The following ANKRD6 variants were observed in gnomAD, a reference collection of about 807,000 sequenced individuals.
ANKRD6 encodes ankyrin repeat domain 6, also known as ankyrin repeat domain-containing protein 6.
In ANKRD6, 56 loss-of-function variants were observed where a neutral mutation model predicts 82.3. That is an observed-to-expected ratio of 0.68 (90% CI 0.55 to 0.85). The LOEUF (loss-of-function observed/expected upper bound fraction) is 0.85, where lower values mean the gene tolerates loss of function less well. Ranked by LOEUF, ANKRD6 falls within the 40% of genes least tolerant of loss-of-function variation. The pLI, the probability that ANKRD6 is intolerant of heterozygous loss-of-function variation, is 0.00. For missense variants in ANKRD6, 852 were observed against 907.6 expected (o/e 0.94, Z 0.79); for synonymous variants, 347 against 352.1 (o/e 0.99, Z 0.16).
chr6:89,464,685 A>G (rs1312160349), intron 1 of ANKRD6, among the ~76,000 whole-genome samples: 1 of 152,212 alleles, frequency 6.6e-6, no homozygotes, highest in Non-Finnish European at 1.5e-5. Flanking sequence ...ATGCATTTCT[A>G]TTTGGAAGTA....
intron 7 of ANKRD6, 41 bp downstream of exon 7, chr6:89,613,931 C>T: frequency 6.2e-7 from 1 of 1,600,924 alleles, no homozygotes; most frequent in East Asian, 2.2e-5. Flanking sequence ...AGCACCCTTC[C>T]CACAAGGCTA....
intron 1 of ANKRD6, among the ~76,000 whole-genome samples, chr6:89,527,439 C>CA (rs1782625957): frequency 1.3e-5 from 2 of 151,272 alleles, no homozygotes; most frequent in African/African-American, 4.9e-5. Context: ...ACTAAAAATA[C>CA]AAAAAATAGC....
Position 89,623,547 on chromosome 6 carries a change from C to A in ANKRD6, c.1032+3C>A. The A allele has an allele frequency of 6.3e-7, 1 of 1,578,230 alleles. No individual in the cohort carries two copies. The highest frequency in any genetic ancestry group is 1.2e-5 in the South Asian group (1 of 86,104). ...GGAGGAGAAAGTCAAGGCCCAAGGT[C>A]AGGAGACACAGAAAGCAGCCCAGAG... On this transcript the variant is annotated splice_donor_region_variant and intron_variant, in intron 11 of 15. Coordinates refer to ENST00000339746, the MANE Select transcript of ANKRD6 (RefSeq NM_001242809.2).
chr6:89,473,321 G>C (rs1160304859), intron 1 of ANKRD6, among the ~76,000 whole-genome samples: 1 of 151,310 alleles, frequency 6.6e-6, no homozygotes, highest in Non-Finnish European at 1.5e-5. Context: ...TGAGGCAGGA[G>C]AATCGCTTTA....
chr6:89,452,835 G>A (rs1297652162), intron 1 of ANKRD6, among the ~76,000 whole-genome samples: 1 of 152,184 alleles, frequency 6.6e-6, no homozygotes, highest in African/African-American at 2.4e-5. Context: ...CTGGCGGCCA[G>A]GAAGGCCTGG....
At chr6:89,621,731 G>A (rs1173593071) in intron 9 of ANKRD6, 191 bp from the exon 10 acceptor site, 5 of 608,750 alleles carry the variant, frequency 8.2e-6, no homozygotes. Flanking sequence ...CTGTCTCCGA[G>A]TCCCCGTGGT....
intron 1 of ANKRD6, among the ~76,000 whole-genome samples, chr6:89,495,600 A>G (rs767908208): frequency 1.3e-5 from 2 of 151,878 alleles, no homozygotes; most frequent in Non-Finnish European, 2.9e-5. Flanking sequence ...GGGAAGCCCT[A>G]CTTTCTTAGT....
intron 1 of ANKRD6, among the ~76,000 whole-genome samples, chr6:89,472,866 A>G (rs549781498): frequency 7.2e-5 from 11 of 152,046 alleles, no homozygotes; most frequent in Non-Finnish European, 1.2e-4. Flanking sequence ...CCAGCCTCCC[A>G]TCCACCCCCA....
chr6:89,442,747 C>G (rs765542311), intron 1 of ANKRD6, among the ~76,000 whole-genome samples: 89 of 151,684 alleles, frequency 5.9e-4, no homozygotes, highest in Admixed American at 1.3e-3. Context: ...ATCTAAAGAT[C>G]TGGAATCAGT....
chr6:89,459,712 A>G (rs949715105), intron 1 of ANKRD6, among the ~76,000 whole-genome samples: 19 of 152,166 alleles, frequency 1.2e-4, no homozygotes, highest in Non-Finnish European at 2.5e-4. Context: ...TGTGTTGCAC[A>G]AGTTGGTCTT....
At chr6:89,574,498 A>G (rs1583395445) in intron 2 of ANKRD6, among the ~76,000 whole-genome samples, 1 of 152,194 alleles carries the variant, frequency 6.6e-6, no homozygotes, top group East Asian at 1.9e-4. Flanking sequence ...TGGACATAAA[A>G]TATTGATTAT....
chr6:89,505,685 C>T (rs1263859805), intron 1 of ANKRD6, among the ~76,000 whole-genome samples: 1 of 152,196 alleles, frequency 6.6e-6, no homozygotes, highest in Non-Finnish European at 1.5e-5. Context: ...TATGGAGGTT[C>T]CTCAGAAAAT....
intron 1 of ANKRD6, among the ~76,000 whole-genome samples, chr6:89,508,569 T>A (rs188013561): frequency 6.6e-6 from 1 of 151,924 alleles, no homozygotes; most frequent in Non-Finnish European, 1.5e-5. Flanking sequence ...ATAGATTACA[T>A]TGGGGGAGGT....
At chr6:89,489,125 G>A (rs1021885291) in intron 1 of ANKRD6, among the ~76,000 whole-genome samples, 1 of 152,148 alleles carries the variant, frequency 6.6e-6, no homozygotes, top group African/African-American at 2.4e-5. Context: ...CCAGGGCATT[G>A]CTCCTGAAGG....
At chr6:89,460,530 A>G (rs1467205491) in intron 1 of ANKRD6, among the ~76,000 whole-genome samples, 4 of 151,846 alleles carry the variant, frequency 2.6e-5, no homozygotes, top group Non-Finnish European at 4.4e-5. Context: ...TCTGCCTCCC[A>G]GGTTCAAGTG....
rs1182474855 is a variant in ANKRD6, at chr6:89,623,947, C to G, written c.1108C>G (p.His370Asp). Reference sequence around the variant, plus strand: ...CCAGAAGAACCTGCATGCTCATAATCACCCTAAAAAGAGGAACAGGCATCG... The same window carrying G: ...CCAGAAGAACCTGCATGCTCATAATGACCCTAAAAAGAGGAACAGGCATCG... ...GHQKNLHAHN[H>D]PKKRNRHRCS... The change falls in exon 12 of 16, where the codon CAC becomes GAC. Residue 370 changes from histidine to aspartate, a missense_variant. Coordinates refer to ENST00000339746, the MANE Select transcript of ANKRD6 (RefSeq NM_001242809.2). 1 of 1,613,802 alleles carries G rather than the reference C, an allele frequency of 6.2e-7. No homozygotes were observed. Among genetic ancestry groups the G allele is most frequent in the East Asian group, 2.2e-5 (1 of 44,880 alleles).
intron 1 of ANKRD6, among the ~76,000 whole-genome samples, chr6:89,476,360 A>AT (rs1582810648): frequency 6.6e-6 from 1 of 151,336 alleles, no homozygotes; most frequent in Non-Finnish European, 1.5e-5. Context: ...TAATTTTTGT[A>AT]TTTTTTTTAG....
At chr6:89,570,404 C>A (rs1022835368) in intron 2 of ANKRD6, among the ~76,000 whole-genome samples, 3 of 152,138 alleles carry the variant, frequency 2.0e-5, no homozygotes, top group Non-Finnish European at 2.9e-5. Flanking sequence ...GTAAAATATA[C>A]ATAGTAAATG....
intron 6 of ANKRD6, among the ~76,000 whole-genome samples, chr6:89,613,309 G>T (rs1427938914): frequency 6.6e-6 from 1 of 152,100 alleles, no homozygotes; most frequent in Non-Finnish European, 1.5e-5. Context: ...TGAACTTCAG[G>T]GGGTACGTGT....
Sources: allele counts gnomAD v4.1 joint callset (sites outside exome capture counted in the v4.1 genomes callset), GRCh38; gene constraint gnomAD v4.1.1; transcripts MANE v1.5; gene names NCBI Gene and HGNC (gene_info 2026-07-23, HGNC 2026-07-21).